The following KLHL2 variants were observed in gnomAD, a reference collection of about 807,000 sequenced individuals.
KLHL2 encodes kelch like family member 2, also known as kelch-like protein 2.
KLHL2 carries 15 observed loss-of-function variants against 75.8 expected under a neutral mutation model. The ratio of observed to expected loss-of-function variants is 0.20; its 90% CI spans 0.13 to 0.30. The LOEUF is 0.30. KLHL2 is among the 10% of genes least tolerant of loss of function. The pLI is 1.00. For missense variants in KLHL2, 381 were observed against 741.0 expected (o/e 0.51, Z 5.64); for synonymous variants, 214 against 251.9 (o/e 0.85, Z 1.42).
At chr4:165,245,995 A>G (rs1740228699) in intron 4 of KLHL2, among the ~76,000 whole-genome samples, 2 of 152,298 alleles carry the variant, frequency 1.3e-5, no homozygotes, top group South Asian at 4.1e-4. Flanking sequence ...CAGGATAGAT[A>G]AGGTCCCTGT....
intron 9 of KLHL2, 34 bp downstream of exon 9, chr4:165,305,759 C>A: frequency 1.4e-6 from 2 of 1,396,976 alleles, no homozygotes; most frequent in South Asian, 2.3e-5. Flanking sequence ...ATTCTCTACT[C>A]CTGGGTCATT....
Position 165,283,774 on chromosome 4 carries a change from C to T in KLHL2, c.545-10585C>T, listed in dbSNP as rs553977687. Among the ~76,000 whole-genome samples the T allele has an allele frequency of 2.6e-5, 4 of 152,376 alleles. No homozygotes were observed. The East Asian group carries it at 5.8e-4, about 22-fold the overall frequency. On this transcript the variant is annotated intron_variant, in intron 5 of 14. Transcript: ENST00000226725. The stretch of plus-strand genomic sequence containing the variant: ...TCTGACCCCACATTTCTCTTCTGCA[C>T]TGCCCTAGCAGAGGTTCCCCATGAG...
chr4:165,322,198 A>G lies in KLHL2; in HGVS notation c.*138A>G, dbSNP rs962960920. 4 of 806,520 alleles carry G rather than the reference A, an allele frequency of 5.0e-6. No individual in the cohort carries two copies. Among genetic ancestry groups the G allele is most frequent in the Non-Finnish European group, 8.4e-6 (4 of 476,664 alleles). The allele number at this position is 806,520 out of a possible 1,614,324, so 50.0% of individuals were successfully genotyped here. A position where few individuals can be genotyped will look rare whatever the true frequency, so the allele number is the denominator to read the frequency against. ...GCAGAAGATACGATCGTCTGCCTTT[A>G]TAGGCCTCAGATACTGAAGATTATT... is the stretch of plus-strand genomic sequence containing the variant. On this transcript the variant is annotated 3_prime_UTR_variant, in exon 15 of 15. Coordinates refer to ENST00000226725, the MANE Select transcript of KLHL2 (RefSeq NM_007246.4).
At chr4:165,282,372 G>T (rs1001920235) in intron 5 of KLHL2, among the ~76,000 whole-genome samples, 19 of 152,168 alleles carry the variant, frequency 1.2e-4, no homozygotes, top group African/African-American at 3.9e-4. Context: ...TGTTGTGTTA[G>T]GCTTATATTA....
intron 11 of KLHL2, among the ~76,000 whole-genome samples, chr4:165,311,809 CTG>C (rs60870309): frequency 0.11 from 15,325 of 144,658 alleles, 1,202 homozygotes; most frequent in African/African-American, 0.23. Flanking sequence ...TCCTTTCTCT[CTG>C]TGTGTGTGTG....
intron 5 of KLHL2, among the ~76,000 whole-genome samples, chr4:165,264,727 T>C (rs796238535): frequency 1.4e-3 from 103 of 74,060 alleles, no homozygotes; most frequent in African/African-American, 3.7e-3. Flanking sequence ...TATACATATA[T>C]ATATATATAT....
chr4:165,219,493 GC>G (rs1401623646), intron 1 of KLHL2, among the ~76,000 whole-genome samples: 1 of 152,240 alleles, frequency 6.6e-6, no homozygotes, highest in African/African-American at 2.4e-5. Context: ...ATATATCCTG[GC>G]AGGTAGAGAG....
intron 5 of KLHL2, among the ~76,000 whole-genome samples, chr4:165,285,065 A>G (rs1743982766): frequency 1.3e-5 from 2 of 152,178 alleles, no homozygotes; most frequent in Admixed American, 1.3e-4. Flanking sequence ...ACAAGATGAG[A>G]TTTGGATGGG....
At chr4:165,299,118 T>C (rs1476839350) in intron 7 of KLHL2, among the ~76,000 whole-genome samples, 1 of 152,202 alleles carries the variant, frequency 6.6e-6, no homozygotes, top group Non-Finnish European at 1.5e-5. Flanking sequence ...CATTAACTTA[T>C]TAGTATTGTC....
At chr4:165,234,384 TAGTC>T (rs1277759067) in intron 3 of KLHL2, among the ~76,000 whole-genome samples, 51 of 152,228 alleles carry the variant, frequency 3.4e-4, no homozygotes, top group African/African-American at 1.2e-3. Context: ...AGTTTCAGCA[TAGTC>T]AGAGTTTCTG....
At chr4:165,260,489 A>G (rs1741568595) in intron 4 of KLHL2, among the ~76,000 whole-genome samples, 1 of 152,172 alleles carries the variant, frequency 6.6e-6, no homozygotes, top group Non-Finnish European at 1.5e-5. Flanking sequence ...CTAATACGGT[A>G]GATCTGAACT....
At chr4:165,225,850 T>G (rs1020895928) in intron 2 of KLHL2, among the ~76,000 whole-genome samples, 10 of 152,238 alleles carry the variant, frequency 6.6e-5, no homozygotes, top group Admixed American at 5.9e-4. Flanking sequence ...ATTTGTAAAG[T>G]GTCTCTGAGA....
chr4:165,243,219 T>A (rs1739964447), intron 4 of KLHL2, among the ~76,000 whole-genome samples: 1 of 152,238 alleles, frequency 6.6e-6, no homozygotes, highest in Non-Finnish European at 1.5e-5. Context: ...AGCATTTACT[T>A]CATTGCTAAA....
In KLHL2 at chr4:165,218,538, C is replaced by T. The variant is rs550206584; in HGVS notation, c.27-1396C>T. Reference sequence around the variant, plus strand: ...GTCCCCACATTTCTCTCTCTCTTCACGCTGCCCTGCTTTTTCTACTTCCAT... The same window carrying T: ...GTCCCCACATTTCTCTCTCTCTTCATGCTGCCCTGCTTTTTCTACTTCCAT... On this transcript the variant is annotated intron_variant, in intron 1 of 14. Transcript: ENST00000226725. 1.6e-4 allele frequency among the ~76,000 whole-genome samples: 24 copies of T among 152,290 alleles called. No homozygotes were observed. The South Asian group carries it at 2.7e-3, about 17-fold the overall frequency.
chr4:165,230,231 T>TTAGGAATTACC (rs1437103963), intron 3 of KLHL2, among the ~76,000 whole-genome samples: 2 of 152,326 alleles, frequency 1.3e-5, no homozygotes, highest in East Asian at 3.9e-4. Context: ...TTGGGCTACT[T>TTAGGAATTACC]TAGGAATTAC....
chr4:165,308,958 GT>G (rs983015421), intron 9 of KLHL2, among the ~76,000 whole-genome samples: 2 of 152,112 alleles, frequency 1.3e-5, no homozygotes, highest in African/African-American at 4.8e-5. Context: ...TTTTACAGGG[GT>G]GGGGGAATAA....
intron 14 of KLHL2, among the ~76,000 whole-genome samples, chr4:165,318,462 T>C (rs1475780118): frequency 6.6e-6 from 1 of 152,182 alleles, no homozygotes; most frequent in Non-Finnish European, 1.5e-5. Flanking sequence ...AATATTATGG[T>C]GAGTCTTTAT....
intron 1 of KLHL2, among the ~76,000 whole-genome samples, chr4:165,210,946 A>ATT (rs71724471): frequency 0.014 from 2,082 of 151,938 alleles, 24 homozygotes; most frequent in Middle Eastern, 0.041. Flanking sequence ...GTAAGCCTTG[A>ATT]TTTTTTTGCT....
chr4:165,274,228 G>A (rs1742900436), intron 5 of KLHL2, among the ~76,000 whole-genome samples: 1 of 152,136 alleles, frequency 6.6e-6, no homozygotes. Flanking sequence ...GGAGGAGAAA[G>A]AAGCTGAGGG....
Sources: gnomAD v4.1 joint callset for allele counts (sites outside exome capture counted in the v4.1 genomes callset) on GRCh38, gnomAD v4.1.1 for gene constraint, MANE v1.5 for transcripts, NCBI Gene and HGNC (gene_info 2026-07-23, HGNC 2026-07-21) for gene names.